CTNNA2: variants seen among roughly 807,000 people sequenced by gnomAD.
The protein encoded by CTNNA2 is catenin alpha-2.
CTNNA2 carries 42 observed loss-of-function variants against 101.0 expected under a neutral mutation model. The observed-to-expected ratio is 0.42, with a 90% CI of 0.32 to 0.54. CTNNA2 has a LOEUF of 0.54. CTNNA2 is among the 20% of genes least tolerant of loss of function. The pLI is 0.14. For missense variants in CTNNA2, 871 were observed against 1,223.1 expected (o/e 0.71, Z 4.29); for synonymous variants, 450 against 456.4 (o/e 0.99, Z 0.18).
chr2:80,605,853 A>T (rs1160885055), intron 16 of CTNNA2, among the ~76,000 whole-genome samples: 3 of 151,916 alleles, frequency 2.0e-5, no homozygotes, highest in Non-Finnish European at 4.4e-5. Context: ...GTACTATGAG[A>T]ATTTGAGAAC....
chr2:79,692,500 C>T (rs901447741), intron 2 of CTNNA2, among the ~76,000 whole-genome samples: 1 of 151,970 alleles, frequency 6.6e-6, no homozygotes, highest in East Asian at 1.9e-4. Flanking sequence ...TACCATTTGA[C>T]CCAGCAATCC....
At chr2:79,912,146 T>A (rs569715710) in intron 7 of CTNNA2, among the ~76,000 whole-genome samples, 36 of 152,362 alleles carry the variant, frequency 2.4e-4, no homozygotes, top group African/African-American at 8.7e-4. Flanking sequence ...AAACAAGTTG[T>A]TAAACTGAAA....
chr2:79,652,918 C>T (rs1681361140), intron 2 of CTNNA2, among the ~76,000 whole-genome samples: 1 of 152,074 alleles, frequency 6.6e-6, no homozygotes, highest in Non-Finnish European at 1.5e-5. Context: ...ATCTCATTGT[C>T]CAAATTATTT....
At chr2:80,574,710 G>T (rs1048240431) in intron 13 of CTNNA2, among the ~76,000 whole-genome samples, 2 of 152,110 alleles carry the variant, frequency 1.3e-5, no homozygotes, top group Non-Finnish European at 1.5e-5. Flanking sequence ...AATAGTAACA[G>T]TTATTATCAT....
chr2:80,394,362 A>G (rs1464309785), intron 8 of CTNNA2, among the ~76,000 whole-genome samples: 3 of 152,224 alleles, frequency 2.0e-5, no homozygotes, highest in Non-Finnish European at 4.4e-5. Flanking sequence ...GAAGGTGTAG[A>G]CACACTTGAT....
intron 7 of CTNNA2, among the ~76,000 whole-genome samples, chr2:80,246,712 A>C (rs1671356022): frequency 6.6e-6 from 1 of 152,206 alleles, no homozygotes; most frequent in African/African-American, 2.4e-5. Context: ...TGGGTGCATT[A>C]GGCATGATGC....
intron 3 of CTNNA2, among the ~76,000 whole-genome samples, chr2:79,332,422 A>C (rs1258325228): frequency 3.3e-5 from 5 of 152,202 alleles, no homozygotes; most frequent in African/African-American, 1.2e-4. Flanking sequence ...TTGGAAAAGT[A>C]AAAGCCATGC....
Position 80,215,917 on chromosome 2 carries a change from G to A in CTNNA2, c.1057-177294G>A, listed in dbSNP as rs188266663. On this transcript the variant is annotated intron_variant, in intron 7 of 18. Transcript: ENST00000402739. ...AGCTGCAGTGGGCTCCACCCAATTC[G>A]AGCTTCCTGACCACTTTGTTTTCCT... 4.8e-4 allele frequency among the ~76,000 whole-genome samples: 73 copies of A among 152,258 alleles called. No homozygotes were observed. The Middle Eastern group carries it at 0.014, about 28-fold the overall frequency.
At chr2:80,107,180 C>T (rs2148853777) in intron 7 of CTNNA2, among the ~76,000 whole-genome samples, 1 of 152,240 alleles carries the variant, frequency 6.6e-6, no homozygotes, top group Middle Eastern at 3.4e-3. Flanking sequence ...GAACTTCTAT[C>T]CCTGTGTGCC....
chr2:79,911,620 C>T (rs964210638), intron 7 of CTNNA2, among the ~76,000 whole-genome samples: 1 of 152,256 alleles, frequency 6.6e-6, no homozygotes, highest in African/African-American at 2.4e-5. Flanking sequence ...TTCGCAGCCT[C>T]GTGATGCAGG....
chr2:80,237,898 C>CATT (rs1558931004), intron 7 of CTNNA2, among the ~76,000 whole-genome samples: 1 of 152,046 alleles, frequency 6.6e-6, no homozygotes, highest in Non-Finnish European at 1.5e-5. Flanking sequence ...TGGACCCTCT[C>CATT]CTAAGGTGCT....
intron 1 of CTNNA2, among the ~76,000 whole-genome samples, chr2:79,515,372 G>T (rs1671752850): frequency 6.6e-6 from 1 of 152,186 alleles, no homozygotes; most frequent in South Asian, 2.1e-4. Flanking sequence ...TCTTTCAAAA[G>T]ACTTTTCCCC....
intron 3 of CTNNA2, among the ~76,000 whole-genome samples, chr2:79,343,262 AT>A (rs1300337248): frequency 3.9e-5 from 6 of 152,242 alleles, no homozygotes; most frequent in Non-Finnish European, 5.9e-5. Flanking sequence ...AAAATTGGGT[AT>A]ATATAAACAA....
chr2:79,817,294 A>G (rs2105363508), intron 3 of CTNNA2, among the ~76,000 whole-genome samples: 1 of 147,824 alleles, frequency 6.8e-6, no homozygotes. Flanking sequence ...CAGAAAGTGC[A>G]GAATAATGTA....
At chr2:80,326,503 C>T (rs1679253738) in intron 7 of CTNNA2, among the ~76,000 whole-genome samples, 1 of 152,164 alleles carries the variant, frequency 6.6e-6, no homozygotes, top group Admixed American at 6.5e-5. Context: ...AGAAGTTCAT[C>T]TTTATGTACT....
chr2:80,333,055 G>A (rs1671476364), intron 7 of CTNNA2, among the ~76,000 whole-genome samples: 1 of 152,176 alleles, frequency 6.6e-6, no homozygotes, highest in African/African-American at 2.4e-5. Context: ...TTCTATGACT[G>A]TCTATTCATT....
chr2:79,472,722 C>T (rs1167639183), intron 4 of CTNNA2, among the ~76,000 whole-genome samples: 4 of 152,104 alleles, frequency 2.6e-5, no homozygotes, highest in African/African-American at 7.2e-5. Flanking sequence ...TGCTTTCTCA[C>T]TTTTTGCGAT....
chr2:79,527,578 G>C (rs1003212960), intron 1 of CTNNA2, among the ~76,000 whole-genome samples: 4 of 151,612 alleles, frequency 2.6e-5, no homozygotes, highest in Non-Finnish European at 5.9e-5. Flanking sequence ...CCAGGAGGCG[G>C]AGGCTGCAGT....
Position 80,589,504 on chromosome 2 carries a change from G to A in CTNNA2, c.2189+19G>A. 6.2e-7 allele frequency: 1 copy of A among 1,606,630 alleles called. No individual in the cohort carries two copies. Among genetic ancestry groups the A allele is most frequent in the Non-Finnish European group, 8.5e-7 (1 of 1,175,398 alleles). ...TCACAAGGTGAGGCCCAGAGCCAGGGAGCTGAAGATTTTTTCATTAAACCC... is the reference window on the plus strand; with the variant it reads ...TCACAAGGTGAGGCCCAGAGCCAGGAAGCTGAAGATTTTTTCATTAAACCC... On this transcript the variant is annotated intron_variant, in intron 15 of 18. Transcript: ENST00000402739.
Sources: gnomAD v4.1 joint callset for allele counts (sites outside exome capture counted in the v4.1 genomes callset) on GRCh38, gnomAD v4.1.1 for gene constraint, MANE v1.5 for transcripts, NCBI Gene and HGNC (gene_info 2026-07-23, HGNC 2026-07-21) for gene names.